Variants in SPIRE1 observed in about 807,000 individuals in gnomAD.
SPIRE1 encodes the protein protein spire homolog 1.
SPIRE1 carries 40 observed loss-of-function variants against 94.1 expected under a neutral mutation model. The observed-to-expected ratio is 0.43, with a 90% confidence interval of 0.33 to 0.55. The LOEUF is 0.55. Ranked by LOEUF, SPIRE1 falls within the 20% of genes least tolerant of loss-of-function variation. The probability of loss-of-function intolerance (pLI) is 0.06; values close to 1 mark genes in which losing one functional copy is unlikely to be tolerated. For missense variants in SPIRE1, 838 were observed against 975.2 expected (o/e 0.86, Z 1.87); for synonymous variants, 376 against 371.7 (o/e 1.01, Z -0.13).
chr18:12,566,636 A>G (rs1279380550), intron 2 of SPIRE1, among the ~76,000 whole-genome samples: 1 of 152,144 alleles, frequency 6.6e-6, no homozygotes, highest in African/African-American at 2.4e-5. Flanking sequence ...CTGGGCTTGG[A>G]TTAGCTGTAA....
intron 12 of SPIRE1, among the ~76,000 whole-genome samples, chr18:12,455,777 A>C (rs1000653610): frequency 2.0e-5 from 3 of 152,034 alleles, no homozygotes; most frequent in African/African-American, 7.2e-5. Context: ...ATTCACTCCC[A>C]CACACACACA....
rs370589842 is a variant in SPIRE1 at position 12,463,300 on chromosome 18, T to C, written c.1638+51A>G. The C allele has an allele frequency of 5.4e-6, 8 of 1,486,808 alleles. No homozygotes were observed. The African/African-American group carries it at 8.4e-5, about 16-fold the overall frequency. 92.1% of individuals were successfully genotyped at this position (1,486,808 alleles called of 1,614,324 possible). A position where few individuals can be genotyped will look rare whatever the true frequency, so the allele number is the denominator to read the frequency against. On this transcript the variant is annotated intron_variant, in intron 12 of 16. Coordinates refer to ENST00000409402, the MANE Select transcript of SPIRE1 (RefSeq NM_001128626.2). ...ATCTTCATAAGAAAGCTAATGATTC[T>C]ATGTCTTCTAGCTGGTCCCTAAGTT...
intron 1 of SPIRE1, among the ~76,000 whole-genome samples, chr18:12,642,591 C>T (rs2038116090): frequency 6.6e-6 from 1 of 152,166 alleles, no homozygotes; most frequent in Non-Finnish European, 1.5e-5. Context: ...TCTCTAGTGC[C>T]AATTCTGAGT....
rs565267466 is a variant in SPIRE1, at chr18:12,449,301, CTT to C, written c.*335_*336del. 1.6e-3 allele frequency: 405 copies of C among 247,024 alleles called. No individual in the cohort carries two copies. The highest frequency in any genetic ancestry group is 3.3e-3 in the South Asian group (60 of 18,012). The allele number at this position is 247,024 out of a possible 1,614,324, so 15.3% of individuals were successfully genotyped here. ...GTTAGACTGATTCTCGTAGGAGAAG[CTT>C]TTTTTTTTTGCCTTAGTCAGGAGAT... is the stretch of plus-strand genomic sequence containing the variant. On this transcript the variant is annotated 3_prime_UTR_variant, in exon 17 of 17. Coordinates refer to ENST00000409402, the MANE Select transcript of SPIRE1 (RefSeq NM_001128626.2).
At chr18:12,527,507 A>G (rs1175693537) in intron 4 of SPIRE1, among the ~76,000 whole-genome samples, 1 of 152,170 alleles carries the variant, frequency 6.6e-6, no homozygotes, top group East Asian at 1.9e-4. Context: ...GCTGCTGCAG[A>G]AGGCTTTGGA....
intron 2 of SPIRE1, among the ~76,000 whole-genome samples, chr18:12,598,155 G>A (rs375503127): frequency 5.3e-5 from 8 of 152,164 alleles, no homozygotes; most frequent in South Asian, 2.1e-4. Flanking sequence ...ACATAATTAC[G>A]TCTTCCTAAA....
At position 12,449,711 on chromosome 18, in the gene SPIRE1, G is replaced by A. The variant is rs764058426; in HGVS notation, c.2198C>T (p.Thr733Met). The stretch of plus-strand genomic sequence containing the variant: ...TGGCGAGGACATGTAGAAAGACTGC[G>A]TTTTCCTTTTCAATCGGGCCCTTTT... ...ANKRARLKRKTQSFYMSSPGP... is the reference protein window; with the variant it reads ...ANKRARLKRKMQSFYMSSPGP... Residue 733 changes from threonine to methionine, a missense_variant, in exon 17 of 17, where the codon ACG (threonine) becomes ATG (methionine). Around this residue, in one of 2 missense-constraint regions of SPIRE1, gnomAD observed 645 missense variants for 804.7 expected, o/e 0.80. Coordinates refer to ENST00000409402, the MANE Select transcript of SPIRE1 (RefSeq NM_001128626.2). 12 of 1,614,124 alleles carry A rather than the reference G, an allele frequency of 7.4e-6. No individual in the cohort carries two copies. The highest frequency in any genetic ancestry group is 2.2e-5 in the South Asian group (2 of 91,078).
intron 2 of SPIRE1, among the ~76,000 whole-genome samples, chr18:12,548,101 CTA>C (rs1363096365): frequency 6.6e-6 from 1 of 152,176 alleles, no homozygotes; most frequent in Non-Finnish European, 1.5e-5. Context: ...TCTGTTGAGA[CTA>C]TGCATTCACT....
chr18:12,578,164 T>C (rs894793863), intron 2 of SPIRE1, among the ~76,000 whole-genome samples: 1 of 152,144 alleles, frequency 6.6e-6, no homozygotes, highest in Non-Finnish European at 1.5e-5. Flanking sequence ...AAGTCAAACA[T>C]AAATTTATCA....
At chr18:12,572,883 C>T (rs2035992322) in intron 2 of SPIRE1, among the ~76,000 whole-genome samples, 1 of 152,088 alleles carries the variant, frequency 6.6e-6, no homozygotes, top group African/African-American at 2.4e-5. Context: ...CAAAAATTAA[C>T]TCAAAAGGGA....
At chr18:12,632,492 C>T (rs951898747) in intron 2 of SPIRE1, among the ~76,000 whole-genome samples, 3 of 152,196 alleles carry the variant, frequency 2.0e-5, no homozygotes, top group Admixed American at 2.0e-4. Context: ...TACCGCCTCA[C>T]CACTCCTGCT....
chr18:12,656,783 T>C, intron 1 of SPIRE1: 3 of 626,874 alleles, frequency 4.8e-6, no homozygotes, highest in Non-Finnish European at 6.0e-6. Context: ...AAATTTTACA[T>C]TAGACAATGA....
At chr18:12,633,407 T>C (rs1003192339) in intron 2 of SPIRE1, among the ~76,000 whole-genome samples, 4 of 151,958 alleles carry the variant, frequency 2.6e-5, no homozygotes, top group East Asian at 1.9e-4. Context: ...TAAAACCCCG[T>C]CTTCACTAAA....
intron 1 of SPIRE1, among the ~76,000 whole-genome samples, chr18:12,642,433 T>A (rs1273618429): frequency 2.0e-5 from 3 of 152,150 alleles, no homozygotes; most frequent in Non-Finnish European, 4.4e-5. Context: ...AGCCTTGGAT[T>A]GTTATTACCA....
chr18:12,485,880 A>T, intron 9 of SPIRE1, 79 bp downstream of exon 9: 1 of 1,073,708 alleles, frequency 9.3e-7, no homozygotes, highest in Non-Finnish European at 1.4e-6. Flanking sequence ...AACATGTTTG[A>T]ACAAGCAGAT....
intron 2 of SPIRE1, among the ~76,000 whole-genome samples, chr18:12,607,812 G>A (rs1198376907): frequency 6.6e-6 from 1 of 151,972 alleles, no homozygotes; most frequent in South Asian, 2.1e-4. Context: ...TTGAGGTGAC[G>A]GCTACCCCCA....
At chr18:12,507,154 G>C (rs576576243) in intron 5 of SPIRE1, among the ~76,000 whole-genome samples, 1 of 152,330 alleles carries the variant, frequency 6.6e-6, no homozygotes, top group South Asian at 2.1e-4. Flanking sequence ...GTAAAGTGGA[G>C]CTACCACAGG....
At chr18:12,520,069 A>G (rs1404281506) in intron 4 of SPIRE1, among the ~76,000 whole-genome samples, 1 of 152,158 alleles carries the variant, frequency 6.6e-6, no homozygotes, top group Non-Finnish European at 1.5e-5. Context: ...TCATTACACC[A>G]TACCCACAAA....
In SPIRE1 at chr18:12,657,803, C is replaced by T; in HGVS notation, c.64G>A (p.Gly22Arg). ...CCGGCTGCCCCGGGCTCCCGCGGCC[C>T]CTCGCCGCCCACTGCCTCAGTCCGC... Reference protein sequence around the residue: ...EPRTEAVGGEGPREPGAAGGA... With the variant: ...EPRTEAVGGERPREPGAAGGA... Residue 22 changes from glycine (G) to arginine (R), a missense_variant, in exon 1 of 17, where the codon GGG becomes AGG. By Grantham distance (125) the Gly-to-Arg change is moderately radical (BLOSUM62 -2). Coordinates refer to ENST00000409402, the MANE Select transcript of SPIRE1 (RefSeq NM_001128626.2). The T allele has an allele frequency of 7.9e-7, 1 of 1,260,610 alleles. No homozygotes were observed. The highest frequency in any genetic ancestry group is 2.4e-5 in the South Asian group (1 of 42,462). The allele number at this position is 1,260,610 out of a possible 1,614,324, so 78.1% of individuals were successfully genotyped here. A position where few individuals can be genotyped will look rare whatever the true frequency, so the allele number is the denominator to read the frequency against.
Sources: gnomAD v4.1 joint callset for allele counts (sites outside exome capture counted in the v4.1 genomes callset) on GRCh38, gnomAD v4.1.1 for gene constraint, gnomAD v4.1.1 regional missense constraint, MANE v1.5 for transcripts, NCBI Gene and HGNC (gene_info 2026-07-23, HGNC 2026-07-21) for gene names.